The following PCDHGA11 variants were observed in gnomAD, a reference collection of about 807,000 sequenced individuals.
The protein encoded by PCDHGA11 is protocadherin gamma subfamily A, 11, also known as protocadherin gamma-A11.
PCDHGA11 carries 39 observed loss-of-function variants against 60.4 expected under a neutral mutation model. The ratio of observed to expected loss-of-function variants is 0.65; its 90% CI spans 0.50 to 0.84. The LOEUF is 0.84. PCDHGA11 is among the 40% of genes least tolerant of loss of function. The pLI is 0.00. For synonymous variants in PCDHGA11, 533 were observed against 510.3 expected (o/e 1.04, Z -0.60); for missense variants, 1,165 against 1,197.7 (o/e 0.97, Z 0.40).
chr5:141,435,629 A>G (rs2097772414), intron 1 of PCDHGA11, among the ~76,000 whole-genome samples: 1 of 152,162 alleles, frequency 6.6e-6, no homozygotes, highest in Admixed American at 6.5e-5. Flanking sequence ...TAACTTTTAC[A>G]ACTATGGGAA....
In PCDHGA11 at chr5:141,422,509, C is replaced by G. The variant is rs1249006816; in HGVS notation, c.1282C>G (p.Gln428Glu). The change falls in exon 1 of 4, where the codon CAG becomes GAG. Residue 428 changes from glutamine to glutamate, a missense_variant. Gln to Glu is a conservative substitution (Grantham distance 29, BLOSUM62 2). Coordinates refer to ENST00000398587, the MANE Select transcript of PCDHGA11 (RefSeq NM_018914.3). ...CAATATAACGTTGACAGCCACAGAC[C>G]AGGGAAGCCCGCCTTTGTCTGCAGA... ...SYNITLTATD[Q>E]GSPPLSAETH... The G allele has an allele frequency of 1.9e-6, 3 of 1,613,836 alleles. No homozygotes were observed. In the South Asian group the frequency reaches 3.3e-5, roughly 18 times the overall value.
At chr5:141,509,335 G>T (rs113423267) in intron 3 of PCDHGA11, among the ~76,000 whole-genome samples, 106 of 152,262 alleles carry the variant, frequency 7.0e-4, no homozygotes, top group African/African-American at 2.4e-3. Context: ...CTGCCAGCTG[G>T]GCCTGGGCTG....
rs1596285501 is a variant in PCDHGA11, at chr5:141,510,367, C to A, written c.2582-580C>A. Among the ~76,000 whole-genome samples the A allele has an allele frequency of 5.0e-5, 7 of 140,362 alleles. 1 individual carries two copies. In the South Asian group the frequency reaches 1.6e-3, roughly 31 times the overall value. The allele number at this position is 140,362 out of a possible 152,430, so 92.1% of individuals were successfully genotyped here. A position where few individuals can be genotyped will look rare whatever the true frequency, so the allele number is the denominator to read the frequency against. On this transcript the variant is annotated intron_variant, in intron 3 of 3. Transcript: ENST00000398587. ...ACACTTACTAACGGAACTACCGAAT[C>A]TCTACTCGTGCCAGGCCTTGCTTGG...
intron 1 of PCDHGA11, among the ~76,000 whole-genome samples, chr5:141,462,877 T>G (rs1387501705): frequency 1.3e-5 from 2 of 152,240 alleles, no homozygotes; most frequent in African/African-American, 4.8e-5. Flanking sequence ...CTTTAAGAAC[T>G]ATTGCAGTTT....
intron 1 of PCDHGA11, among the ~76,000 whole-genome samples, chr5:141,463,073 C>G (rs911706393): frequency 6.6e-6 from 1 of 152,110 alleles, no homozygotes; most frequent in African/African-American, 2.4e-5. Flanking sequence ...AAATGAAATT[C>G]AAACATTTTC....
In PCDHGA11 at chr5:141,485,629, C is replaced by G. The variant is rs1028146827; in HGVS notation, c.2434-9178C>G. The G allele has an allele frequency of 1.2e-6, 2 of 1,611,902 alleles. No individual in the cohort carries two copies. The highest frequency in any genetic ancestry group is 3.3e-5 in the Admixed American group (2 of 59,922). On this transcript the variant is annotated intron_variant, in intron 1 of 3. Coordinates refer to ENST00000398587, the MANE Select transcript of PCDHGA11 (RefSeq NM_018914.3). This position sits in a 1 kb window ranked among gnomAD's most constrained non-coding sequence, Gnocchi z 5.7. ...AGGCAGCTCCTCCAGGACAGCGTTTCCCGTTGGAAAAGGCTCAGGATGCAG... is the reference window on the plus strand; with the variant it reads ...AGGCAGCTCCTCCAGGACAGCGTTTGCCGTTGGAAAAGGCTCAGGATGCAG...
At position 141,423,488 on chromosome 5, in the gene PCDHGA11, A is replaced by G. The variant is rs141810253; in HGVS notation, c.2261A>G (p.Tyr754Cys). The G allele has an allele frequency of 9.2e-4, 1,481 of 1,613,946 alleles. 7 individuals carry two copies. The highest frequency in any genetic ancestry group is 3.0e-3 in the Middle Eastern group (18 of 6,062). Residue 754 changes from tyrosine to cysteine, a missense_variant, in exon 1 of 4, where the codon TAT becomes TGT. Physicochemically the swap from Tyr to Cys is radical, Grantham distance 194. Transcript: ENST00000398587. ...VDGVQAFLQT[Y>C]SHEVSLIADS... The stretch of plus-strand genomic sequence containing the variant: ...GGGGTACAGGCTTTCCTGCAAACCT[A>G]TTCCCACGAGGTCTCTCTCATTGCG...
chr5:141,428,744 T>C (rs939886054), intron 1 of PCDHGA11: 10 of 155,306 alleles, frequency 6.4e-5, no homozygotes, highest in African/African-American at 2.4e-4. Context: ...ATATCTACTA[T>C]TGCTTCAGGT....
At position 141,490,753 on chromosome 5, in the gene PCDHGA11, T is replaced by C; in HGVS notation, c.2434-4054T>C. ...TCAGGTTCAGGGAGCCCCAGCCTCC[T>C]CCTTTGTGTATGTCAACCCAGAGGA... On this transcript the variant is annotated intron_variant, in intron 1 of 3. Transcript: ENST00000398587. This position sits in a 1 kb window ranked among gnomAD's most constrained non-coding sequence, Gnocchi z 5.4. 1 of 1,614,184 alleles carries C rather than the reference T, an allele frequency of 6.2e-7. No individual in the cohort carries two copies. The highest frequency in any genetic ancestry group is 8.5e-7 in the Non-Finnish European group (1 of 1,180,024).
In PCDHGA11 at chr5:141,487,161, T is replaced by G; in HGVS notation, c.2434-7646T>G. ...CTCTCTACCTCTGTTACTCTCTTAGTGTCCTTAGAGGAAGACACTCATCCA... is the reference window on the plus strand; with the variant it reads ...CTCTCTACCTCTGTTACTCTCTTAGGGTCCTTAGAGGAAGACACTCATCCA... On this transcript the variant is annotated intron_variant, in intron 1 of 3. Transcript: ENST00000398587. The surrounding 1 kb of genome is among the most constrained non-coding windows in gnomAD (Gnocchi z 5.0). The G allele has an allele frequency of 6.2e-7, 1 of 1,613,528 alleles. No individual in the cohort carries two copies. The highest frequency in any genetic ancestry group is 1.1e-5 in the South Asian group (1 of 91,072).
rs1177043977 is a variant in PCDHGA11, at chr5:141,491,919, C to G, written c.2434-2888C>G. On this transcript the variant is annotated intron_variant, in intron 1 of 3. Coordinates refer to ENST00000398587, the MANE Select transcript of PCDHGA11 (RefSeq NM_018914.3). The surrounding 1 kb of genome is among the most constrained non-coding windows in gnomAD (Gnocchi z 6.9). ...CACCGGGGGTGGTGGCGACTGTGGG[C>G]GAGGGGAGGTGGGACCGACCCCCAC... 5 of 1,361,900 alleles carry G rather than the reference C, an allele frequency of 3.7e-6. No homozygotes were observed. The South Asian group carries it at 7.8e-5, about 21-fold the overall frequency. The allele number at this position is 1,361,900 out of a possible 1,614,324, so 84.4% of individuals were successfully genotyped here. A position where few individuals can be genotyped will look rare whatever the true frequency, so the allele number is the denominator to read the frequency against.
At chr5:141,474,159 G>A (rs2154571930) in intron 1 of PCDHGA11, among the ~76,000 whole-genome samples, 1 of 152,226 alleles carries the variant, frequency 6.6e-6, no homozygotes, top group South Asian at 2.1e-4. Context: ...GAAAATGACA[G>A]GCCTTATTAT....
In PCDHGA11 at chr5:141,428,010, G is replaced by C. The variant is rs544491298; in HGVS notation, c.2433+4350G>C. The C allele has an allele frequency of 1.2e-4, 192 of 1,603,004 alleles. 6 individuals are homozygous for C. In the South Asian group the frequency reaches 2.0e-3, roughly 17 times the overall value. ...CGATGGCTCCGCACTCTTCGATATA[G>C]TGCCACGCGCCGCAGAGTCCGGCTA... On this transcript the variant is annotated intron_variant, in intron 1 of 3. Transcript: ENST00000398587.
intron 1 of PCDHGA11, chr5:141,441,139 G>C (rs1000704603): frequency 6.6e-6 from 1 of 152,172 alleles, no homozygotes; most frequent in African/African-American, 2.4e-5. Context: ...ATTTCTAGAA[G>C]ATAATGACAA....
intron 1 of PCDHGA11, among the ~76,000 whole-genome samples, chr5:141,464,747 G>A (rs969116049): frequency 2.0e-5 from 3 of 151,812 alleles, no homozygotes; most frequent in Admixed American, 2.0e-4. Context: ...ATATCTTTTT[G>A]TTTTTTTAGA....
intron 1 of PCDHGA11, among the ~76,000 whole-genome samples, chr5:141,479,996 G>A (rs759188600): frequency 7.2e-5 from 11 of 152,244 alleles, no homozygotes; most frequent in Middle Eastern, 3.2e-3. Context: ...CTAGGAGTCT[G>A]TGGCCAAGTT....
intron 1 of PCDHGA11, among the ~76,000 whole-genome samples, chr5:141,483,648 TTGTGTGTG>T (rs111458813): frequency 6.7e-6 from 1 of 149,592 alleles, no homozygotes; most frequent in Non-Finnish European, 1.5e-5. Flanking sequence ...GGGTGTGTGT[TTGTGTGTG>T]TGTGTGTGTG....
At chr5:141,498,967 GGGAGGGAAGGAA>G (rs1374222518) in intron 2 of PCDHGA11, among the ~76,000 whole-genome samples, 13 of 129,674 alleles carry the variant, frequency 1.0e-4, no homozygotes, top group South Asian at 5.5e-4. Context: ...GAGGGAGGGA[GGGAGGGAAGGAA>G]GGAAGGAAGG....
In PCDHGA11 at chr5:141,505,598, C is replaced by T. The variant is rs532473064; in HGVS notation, c.2581+117C>T. The T allele has an allele frequency of 1.4e-3, 2,157 of 1,556,732 alleles. 3 individuals are homozygous for T. Among genetic ancestry groups the T allele is most frequent in the Non-Finnish European group, 1.8e-3 (2,025 of 1,148,246 alleles). ...ACCTGTGTAGTTTCTCCAGATCTTT[C>T]GGCAGGTCTGAAAGGACCCACAATT... On this transcript the variant is annotated intron_variant, in intron 3 of 3. Coordinates refer to ENST00000398587, the MANE Select transcript of PCDHGA11 (RefSeq NM_018914.3).
Sources: allele counts gnomAD v4.1 joint callset (sites outside exome capture counted in the v4.1 genomes callset), GRCh38; gene constraint gnomAD v4.1.1; non-coding constraint Gnocchi (gnomAD v3.1); transcripts MANE v1.5; gene names NCBI Gene and HGNC (gene_info 2026-07-23, HGNC 2026-07-21).